The following UST variants were observed in gnomAD, a reference collection of about 807,000 sequenced individuals.
UST encodes uronyl 2-sulfotransferase, also known as chondroitin sulfate 2-O-sulfotransferase.
In UST, 21 loss-of-function variants were observed where a neutral mutation model predicts 45.6. That is an observed-to-expected ratio of 0.46 (90% CI 0.33 to 0.66). UST has a LOEUF of 0.66. UST is among the 30% of genes least tolerant of loss of function. The pLI, the probability that UST is intolerant of heterozygous loss-of-function variation, is 0.02. For missense variants in UST, 463 were observed against 512.4 expected, an observed-to-expected ratio of 0.90 and a Z score of 0.93; for synonymous variants, 215 against 200.6, an observed-to-expected ratio of 1.07 and a Z score of -0.61.
At chr6:149,043,014 TC>T (rs1776343026) in intron 7 of UST, among the ~76,000 whole-genome samples, 1 of 76,078 alleles carries the variant, frequency 1.3e-5, no homozygotes, top group South Asian at 3.8e-4. Flanking sequence ...TTTCTTTCTT[TC>T]TTTCTTTTTC....
intron 7 of UST, among the ~76,000 whole-genome samples, chr6:149,063,127 C>T (rs756918464): frequency 3.9e-5 from 6 of 152,210 alleles, no homozygotes; most frequent in Non-Finnish European, 7.3e-5. Flanking sequence ...CTGCCACTCC[C>T]TCCCCAGGGA....
intron 1 of UST, among the ~76,000 whole-genome samples, chr6:148,854,033 A>G (rs1236033999): frequency 6.6e-6 from 1 of 152,266 alleles, no homozygotes; most frequent in East Asian, 1.9e-4. Flanking sequence ...CACATGATGA[A>G]GTCTGATAGC....
intron 7 of UST, among the ~76,000 whole-genome samples, chr6:149,060,579 G>T (rs1453803602): frequency 2.6e-5 from 4 of 152,208 alleles, no homozygotes; most frequent in African/African-American, 9.7e-5. Flanking sequence ...AGTTTTGGGA[G>T]CGGCCAGCGT....
At position 149,074,467 on chromosome 6, in the gene UST, A is replaced by G; in HGVS notation, c.*351A>G. ...TTGTAAAATGACTTATAAAAATATTACCTCAATGGTAGGAGACATCCAGAC... is the reference window on the plus strand; with the variant it reads ...TTGTAAAATGACTTATAAAAATATTGCCTCAATGGTAGGAGACATCCAGAC... On this transcript the variant is annotated 3_prime_UTR_variant, in exon 8 of 8. Coordinates refer to ENST00000367463, the MANE Select transcript of UST (RefSeq NM_005715.3). 3.9e-6 allele frequency: 1 copy of G among 254,850 alleles called. No individual in the cohort carries two copies. Among genetic ancestry groups the G allele is most frequent in the South Asian group, 6.6e-5 (1 of 15,254 alleles). The allele number at this position is 254,850 out of a possible 1,614,324, so 15.8% of individuals were successfully genotyped here.
At chr6:148,962,432 G>A (rs1780680125) in intron 4 of UST, among the ~76,000 whole-genome samples, 1 of 152,252 alleles carries the variant, frequency 6.6e-6, no homozygotes, top group Non-Finnish European at 1.5e-5. Context: ...TTAAAAGCAT[G>A]AAGCAATTTT....
At chr6:149,073,231 G>A (rs58644381) in intron 7 of UST, among the ~76,000 whole-genome samples, 35,862 of 152,080 alleles carry the variant, frequency 0.24, 4,338 homozygotes, top group Admixed American at 0.27. Context: ...ATCTCTTGAT[G>A]CCGAGACCAG....
intron 1 of UST, among the ~76,000 whole-genome samples, chr6:148,756,450 A>G (rs1776101259): frequency 6.6e-6 from 1 of 152,170 alleles, no homozygotes. Context: ...ATTACCAGGG[A>G]ACCAGATATA....
At chr6:149,004,956 C>CT (rs1781619499) in intron 5 of UST, among the ~76,000 whole-genome samples, 1 of 151,890 alleles carries the variant, frequency 6.6e-6, no homozygotes, top group South Asian at 2.1e-4. Flanking sequence ...TTTCAACCTC[C>CT]TGAGTAGCTG....
intron 5 of UST, among the ~76,000 whole-genome samples, chr6:149,017,799 T>TATATATATATATACAC: frequency 6.7e-6 from 1 of 148,914 alleles, no homozygotes; most frequent in African/African-American, 2.5e-5. Flanking sequence ...TATCCATATA[T>TATATATATATATACAC]ACACACACAC....
intron 1 of UST, among the ~76,000 whole-genome samples, chr6:148,752,272 G>T (rs372834367): frequency 1.3e-5 from 2 of 152,112 alleles, no homozygotes; most frequent in South Asian, 4.1e-4. Context: ...AACCTAAAAA[G>T]CCAAATTTTA....
intron 1 of UST, among the ~76,000 whole-genome samples, chr6:148,813,348 A>G (rs1400040915): frequency 4.0e-5 from 6 of 151,894 alleles, no homozygotes; most frequent in Non-Finnish European, 8.8e-5. Context: ...CCAACCTAAT[A>G]TAAGCCATTG....
chr6:148,972,113 T>G (rs1441427373), intron 5 of UST, among the ~76,000 whole-genome samples: 1 of 152,160 alleles, frequency 6.6e-6, no homozygotes, highest in Middle Eastern at 3.2e-3. Context: ...AGACCCAAAC[T>G]TGAAAAGCTT....
chr6:148,905,502 CT>C (rs1047746637), intron 2 of UST, among the ~76,000 whole-genome samples: 8 of 152,234 alleles, frequency 5.3e-5, no homozygotes, highest in African/African-American at 1.9e-4. Context: ...TCCCCTCTGC[CT>C]TTCCCTGGGG....
intron 1 of UST, among the ~76,000 whole-genome samples, chr6:148,798,513 A>G (rs995340869): frequency 2.0e-5 from 3 of 152,096 alleles, no homozygotes; most frequent in African/African-American, 7.2e-5. Context: ...CATCAGCATG[A>G]TTGCCCTGTA....
chr6:149,038,373 C>T (rs1776265743), intron 7 of UST, among the ~76,000 whole-genome samples: 1 of 149,314 alleles, frequency 6.7e-6, no homozygotes, highest in Non-Finnish European at 1.5e-5. Context: ...ATGACTTGTG[C>T]CCTTAAAAGG....
chr6:149,060,472 G>A (rs572783666), intron 7 of UST, among the ~76,000 whole-genome samples: 27 of 152,288 alleles, frequency 1.8e-4, no homozygotes, highest in African/African-American at 5.8e-4. Flanking sequence ...GGAGTCCGGC[G>A]GCCCTGCAGC....
At chr6:148,882,446 G>A (rs776187567) in intron 1 of UST, among the ~76,000 whole-genome samples, 25 of 131,744 alleles carry the variant, frequency 1.9e-4, no homozygotes, top group Non-Finnish European at 3.1e-4. Context: ...AGATTGCGCC[G>A]TTGCACTCCA....
intron 1 of UST, among the ~76,000 whole-genome samples, chr6:148,852,510 G>A (rs1421486989): frequency 6.6e-6 from 1 of 152,076 alleles, no homozygotes; most frequent in Non-Finnish European, 1.5e-5. Flanking sequence ...ATATATTACA[G>A]TCTCTTACCA....
At chr6:148,855,698 T>C (rs1377219713) in intron 1 of UST, among the ~76,000 whole-genome samples, 1 of 152,244 alleles carries the variant, frequency 6.6e-6, no homozygotes, top group Non-Finnish European at 1.5e-5. Context: ...CTGCATTTTT[T>C]CACCTGAGTT....
Sources: allele counts gnomAD v4.1 joint callset (sites outside exome capture counted in the v4.1 genomes callset), GRCh38; gene constraint gnomAD v4.1.1; transcripts MANE v1.5; gene names NCBI Gene and HGNC (gene_info 2026-07-23, HGNC 2026-07-21).